Variants in PKP1 observed in about 807,000 individuals in gnomAD.
PKP1 encodes plakophilin-1.
A neutral mutation model predicts 76.4 loss-of-function variants in PKP1; 27 were observed. That is an observed-to-expected ratio of 0.35 (90% CI 0.26 to 0.49). The LOEUF (loss-of-function observed/expected upper bound fraction) is 0.49, where lower values mean the gene tolerates loss of function less well. PKP1 is among the 20% of genes least tolerant of loss of function. The probability of loss-of-function intolerance (pLI) is 0.99; values close to 1 mark genes in which losing one functional copy is unlikely to be tolerated. For missense variants in PKP1, 964 were observed against 955.2 expected (o/e 1.01, Z -0.12); for synonymous variants, 404 against 384.2 (o/e 1.05, Z -0.60).
chr1:201,302,947 G>T (rs1401771358), intron 2 of PKP1, among the ~76,000 whole-genome samples: 2 of 152,226 alleles, frequency 1.3e-5, no homozygotes, highest in Non-Finnish European at 2.9e-5. Context: ...CGAGGCGACG[G>T]CCTGAGGCTG....
intron 2 of PKP1, among the ~76,000 whole-genome samples, chr1:201,297,458 G>C (rs1656108038): frequency 6.6e-6 from 1 of 152,160 alleles, no homozygotes; most frequent in African/African-American, 2.4e-5. Context: ...TGCTCTTCTG[G>C]TTCTCAGCAC....
rs1334457145 is a variant in PKP1 at position 201,322,013 on chromosome 1, C to G, written c.1383C>G (p.Leu461=). ...VENCMCVLHN[L]SYRLDAEVPT... ...ACTGCATGTGTGTTCTGCACAACCTCTCCTACCGCCTGGACGCCGAGGTGC... is the reference window on the plus strand; with the variant it reads ...ACTGCATGTGTGTTCTGCACAACCTGTCCTACCGCCTGGACGCCGAGGTGC... Residue 461 remains leucine, a synonymous_variant, in exon 8 of 14, where the codon CTC becomes CTG. Transcript: ENST00000367324. 2.5e-6 allele frequency: 4 copies of G among 1,614,040 alleles called. No individual in the cohort carries two copies. Among genetic ancestry groups the G allele is most frequent in the Non-Finnish European group, 3.4e-6 (4 of 1,180,048 alleles).
rs1323253592 is a variant in PKP1 at position 201,331,907 on chromosome 1, TG to T, written c.*1869del. The T allele has an allele frequency of 6.6e-6, 1 of 152,346 alleles. No homozygotes were observed. Among genetic ancestry groups the T allele is most frequent in the East Asian group, 1.9e-4 (1 of 5,192 alleles). 9.4% of individuals were successfully genotyped at this position (152,346 alleles called of 1,614,324 possible). On this transcript the variant is annotated 3_prime_UTR_variant, in exon 14 of 14. Coordinates refer to ENST00000367324, the MANE Select transcript of PKP1 (RefSeq NM_001005337.3). ...GGGAGCCTGGATCCCTGGACTGTCC[TG>T]GGCATAGGTTTCAGGGGCCTCCTTT...
Position 201,323,275 on chromosome 1 carries a change from T to A in PKP1, c.1680+86T>A, listed in dbSNP as rs1193640517. ...CTGCTCCCTCCTTTTCCCCCCAGCC[T>A]GTCCCCTGACTTCGGAGCCTCCCAT... On this transcript the variant is annotated intron_variant, in intron 9 of 13. Coordinates refer to ENST00000367324, the MANE Select transcript of PKP1 (RefSeq NM_001005337.3). 5 of 1,344,200 alleles carry A rather than the reference T, an allele frequency of 3.7e-6. No homozygotes were observed. In the East Asian group the frequency reaches 1.2e-4, roughly 31 times the overall value. The allele number at this position is 1,344,200 out of a possible 1,614,324, so 83.3% of individuals were successfully genotyped here.
chr1:201,320,532 A>C, intron 7 of PKP1, 151 bp downstream of exon 7: 1 of 691,832 alleles, frequency 1.4e-6, no homozygotes, highest in Non-Finnish European at 2.6e-6. Context: ...TGGTGGCTAC[A>C]GGAGTGGGCT....
In PKP1 at chr1:201,313,353, G is replaced by T; in HGVS notation, c.494G>T (p.Gly165Val). ...SEPDLYCDPR[G>V]TLRKGTLGSK... ...CCCGACCTCTACTGTGACCCACGGG[G>T]CACCCTGCGCAAGGGCACGCTGGGC... is the stretch of plus-strand genomic sequence containing the variant. The change falls in exon 3 of 14, where the codon GGC (glycine) becomes GTC (valine). Residue 165 changes from glycine (G) to valine (V), a missense_variant. Physicochemically the swap from Gly to Val is moderately radical, Grantham distance 109. Transcript: ENST00000367324. The T allele has an allele frequency of 6.3e-7, 1 of 1,583,856 alleles. No homozygotes were observed.
At chr1:201,298,570 T>C (rs1656137075) in intron 2 of PKP1, among the ~76,000 whole-genome samples, 1 of 152,142 alleles carries the variant, frequency 6.6e-6, no homozygotes, top group African/African-American at 2.4e-5. Flanking sequence ...TGAGGCATCA[T>C]CAGAGGGAGG....
At chr1:201,313,742 C>G (rs1475851114) in intron 3 of PKP1, among the ~76,000 whole-genome samples, 182 bp downstream of exon 3, 13 of 152,218 alleles carry the variant, frequency 8.5e-5, no homozygotes, top group Non-Finnish European at 1.8e-4. Flanking sequence ...CCCATGGGCC[C>G]TTGAACTCAA....
chr1:201,307,090 C>T (rs913680168), intron 2 of PKP1, among the ~76,000 whole-genome samples: 10 of 152,138 alleles, frequency 6.6e-5, no homozygotes, highest in African/African-American at 2.4e-4. Flanking sequence ...AGTTCAGTAG[C>T]ACTTAGCAAG....
rs1265259087 is a variant in PKP1, at chr1:201,324,550, G to A, written c.1803G>A (p.Met601Ile). The A allele has an allele frequency of 6.2e-7, 1 of 1,614,116 alleles. No individual in the cohort carries two copies. The highest frequency in any genetic ancestry group is 2.2e-5 in the East Asian group (1 of 44,876). ...CCGGAGCCTCCCTCCTGAGCAACAT[G>A]TCCCGCCACCCTCTGCTGCACAGAG... ...VRSGASLLSN[M>I]SRHPLLHRVM... Residue 601 changes from methionine (M) to isoleucine (I), a missense_variant, in exon 10 of 14, where the codon ATG (methionine) becomes ATA (isoleucine). By Grantham distance (10) the Met-to-Ile change is conservative. Transcript: ENST00000367324.
At chr1:201,317,151 C>G (rs1558192235) in intron 4 of PKP1, among the ~76,000 whole-genome samples, 1 of 152,062 alleles carries the variant, frequency 6.6e-6, no homozygotes, top group Non-Finnish European at 1.5e-5. Flanking sequence ...TCAGTTCAGC[C>G]CAAGGATGTA....
At chr1:201,300,312 T>C (rs1351984028) in intron 2 of PKP1, among the ~76,000 whole-genome samples, 3 of 152,238 alleles carry the variant, frequency 2.0e-5, no homozygotes, top group African/African-American at 7.2e-5. Flanking sequence ...GAGAAGCCTA[T>C]GGCAAACACT....
chr1:201,322,241 C>T (rs1260899315), intron 8 of PKP1, 108 bp downstream of exon 8: 1 of 1,268,064 alleles, frequency 7.9e-7, no homozygotes, highest in African/African-American at 1.5e-5. Flanking sequence ...GAAGCCAGCC[C>T]TAAGGGACAG....
At chr1:201,319,532 C>T (rs1024807529) in intron 6 of PKP1, among the ~76,000 whole-genome samples, 7 of 152,192 alleles carry the variant, frequency 4.6e-5, no homozygotes, top group African/African-American at 1.2e-4. Context: ...TGCCAGCCTC[C>T]GGTAGCAGCC....
chr1:201,327,096 G>T (rs1008631965), intron 12 of PKP1, among the ~76,000 whole-genome samples: 1 of 152,216 alleles, frequency 6.6e-6, no homozygotes, highest in Non-Finnish European at 1.5e-5. Context: ...AGTGGGCAAG[G>T]CAGTGGATGG....
chr1:201,284,854 C>T (rs1384678434), intron 1 of PKP1, among the ~76,000 whole-genome samples: 2 of 152,182 alleles, frequency 1.3e-5, no homozygotes, highest in Non-Finnish European at 2.9e-5. Context: ...GGGCCTGGCA[C>T]CCCCTCCTCC....
intron 3 of PKP1, among the ~76,000 whole-genome samples, chr1:201,315,116 GA>G (rs1294673497): frequency 2.0e-5 from 3 of 152,256 alleles, no homozygotes; most frequent in Admixed American, 1.3e-4. Flanking sequence ...GAAGAACTAA[GA>G]AACCTCTCTG....
intron 10 of PKP1, 98 bp downstream of exon 10, chr1:201,324,679 A>G (rs1458922077): frequency 8.2e-6 from 12 of 1,462,098 alleles, no homozygotes; most frequent in Non-Finnish European, 1.0e-5. Context: ...ATTCCCTGGG[A>G]TGAGCATTCC....
At chr1:201,303,173 C>T (rs1458455778) in intron 2 of PKP1, among the ~76,000 whole-genome samples, 2 of 152,214 alleles carry the variant, frequency 1.3e-5, no homozygotes, top group South Asian at 2.1e-4. Context: ...TTCCACTGCA[C>T]TTATTTATTT....
Sources: gnomAD v4.1 joint callset for allele counts (sites outside exome capture counted in the v4.1 genomes callset) on GRCh38, gnomAD v4.1.1 for gene constraint, MANE v1.5 for transcripts, NCBI Gene and HGNC (gene_info 2026-07-23, HGNC 2026-07-21) for gene names.